UBE2R2: variants seen among roughly 807,000 people sequenced by gnomAD.
UBE2R2 encodes ubiquitin conjugating enzyme E2 R2.
Under a neutral mutation model 27.8 loss-of-function variants are expected in UBE2R2, and 1 was observed. The ratio of observed to expected loss-of-function variants is 0.04; its 90% confidence interval spans 0.01 to 0.17. The LOEUF (loss-of-function observed/expected upper bound fraction) is 0.17. Ranked by LOEUF, UBE2R2 falls within the 10% of genes least tolerant of loss-of-function variation. UBE2R2 has a pLI of 1.00. For missense variants in UBE2R2, 100 were observed against 291.0 expected, an observed-to-expected ratio of 0.34 and a Z score of 4.78; for synonymous variants, 106 against 113.3, an observed-to-expected ratio of 0.94 and a Z score of 0.41.
At chr9:33,836,528 C>T (rs554792288) in intron 1 of UBE2R2, among the ~76,000 whole-genome samples, 74 of 151,894 alleles carry the variant, frequency 4.9e-4, no homozygotes, top group African/African-American at 1.5e-3. Flanking sequence ...GGCAGAGGCA[C>T]GCAGATCATT....
intron 3 of UBE2R2, among the ~76,000 whole-genome samples, chr9:33,906,977 G>A (rs933927111): frequency 1.4e-4 from 21 of 152,210 alleles, no homozygotes; most frequent in African/African-American, 5.1e-4. Context: ...GCTTCAGTGA[G>A]CTGTAATTCT....
rs71506139 is a variant in UBE2R2 at position 33,843,042 on chromosome 9, C to CTTTTTT, written c.177+25126_177+25131dup. ...TTTACAAAAAAAAAAAAACAGACCACTTTTTTTTTTTTTTTTTTTTTTTAA... is the reference window on the plus strand; with the variant it reads ...TTTACAAAAAAAAAAAAACAGACCACTTTTTTTTTTTTTTTTTTTTTTTTTTTTTAA... On this transcript the variant is annotated intron_variant, in intron 1 of 4. Transcript: ENST00000263228. Among the ~76,000 whole-genome samples the CTTTTTT allele has an allele frequency of 6.4e-3, 670 of 105,286 alleles. 30 individuals are homozygous for CTTTTTT. Among genetic ancestry groups the CTTTTTT allele is most frequent in the African/African-American group, 0.024 (609 of 25,066 alleles). The allele number at this position is 105,286 out of a possible 152,430, so 69.1% of individuals were successfully genotyped here. A position where few individuals can be genotyped will look rare whatever the true frequency, so the allele number is the denominator to read the frequency against.
chr9:33,888,182 G>A (rs1326888709), intron 2 of UBE2R2, among the ~76,000 whole-genome samples: 2 of 152,142 alleles, frequency 1.3e-5, no homozygotes, highest in Non-Finnish European at 2.9e-5. Context: ...AGAACAATGT[G>A]TAATCTGCAG....
intron 4 of UBE2R2, among the ~76,000 whole-genome samples, chr9:33,916,808 C>T (rs1822656211): frequency 6.6e-6 from 1 of 152,042 alleles, no homozygotes; most frequent in Admixed American, 6.6e-5. Context: ...CAGTGTATTT[C>T]CCCTCCTAAA....
upstream of UBE2R2, among the ~76,000 whole-genome samples, chr9:33,816,046 C>T (rs1563976055): frequency 6.6e-6 from 1 of 152,026 alleles, no homozygotes; most frequent in Non-Finnish European, 1.5e-5. Flanking sequence ...TGTGCTACAG[C>T]CTGGGTGACA....
chr9:33,898,718 C>T (rs1338849306), intron 2 of UBE2R2, among the ~76,000 whole-genome samples: 1 of 152,154 alleles, frequency 6.6e-6, no homozygotes, highest in Admixed American at 6.5e-5. Flanking sequence ...TTGTCTTATG[C>T]ATAATCACTG....
rs970073480 is a variant in UBE2R2 at position 33,861,851 on chromosome 9, T to C, written c.178-25030T>C. On this transcript the variant is annotated intron_variant, in intron 1 of 4. Transcript: ENST00000263228. ...TACCATTTGTTGATCCACTTTCTTT[T>C]TTTTTTTTTTTTTTTTTTTTAAGAC... Among the ~76,000 whole-genome samples, 8 of 145,606 alleles carry C rather than the reference T, an allele frequency of 5.5e-5. No individual in the cohort carries two copies. The East Asian group carries it at 7.9e-4, about 14-fold the overall frequency.
chr9:33,836,618 A>G (rs1820619093), intron 1 of UBE2R2, among the ~76,000 whole-genome samples: 2 of 151,982 alleles, frequency 1.3e-5, no homozygotes, highest in South Asian at 2.1e-4. Context: ...TTAGCCAGAC[A>G]TGGTGGCACA....
intron 1 of UBE2R2, among the ~76,000 whole-genome samples, chr9:33,826,779 A>G (rs943100431): frequency 3.3e-5 from 5 of 152,064 alleles, no homozygotes; most frequent in Admixed American, 3.3e-4. Flanking sequence ...AATACATATA[A>G]AAATGTTTTG....
At chr9:33,836,983 T>C (rs1340112213) in intron 1 of UBE2R2, among the ~76,000 whole-genome samples, 1 of 152,148 alleles carries the variant, frequency 6.6e-6, no homozygotes, top group Non-Finnish European at 1.5e-5. Flanking sequence ...GCATGGTATG[T>C]GAAGAGTTTT....
In UBE2R2 at chr9:33,832,318, AAG is replaced by A. The variant is rs1281811035; in HGVS notation, c.177+14386_177+14387del. 6.3e-5 allele frequency among the ~76,000 whole-genome samples: 8 copies of A among 126,798 alleles called. No homozygotes were observed. The East Asian group carries it at 1.6e-3, about 26-fold the overall frequency. 83.2% of individuals were successfully genotyped at this position (126,798 alleles called of 152,430 possible). ...AGCGAAAATCTATCTCAAAAAAAAA[AAG>A]AAAAGAAAAGAAATTATTTAATACC... On this transcript the variant is annotated intron_variant, in intron 1 of 4. Transcript: ENST00000263228.
chr9:33,888,028 G>A (rs529674070), intron 2 of UBE2R2, among the ~76,000 whole-genome samples: 9 of 152,286 alleles, frequency 5.9e-5, no homozygotes, highest in Non-Finnish European at 8.8e-5. Flanking sequence ...GATTTTGCAG[G>A]TATCTTTCTG....
At chr9:33,815,989 G>A (rs1825745234), upstream of UBE2R2, among the ~76,000 whole-genome samples, 1 of 152,032 alleles carries the variant, frequency 6.6e-6, no homozygotes, top group Non-Finnish European at 1.5e-5. Flanking sequence ...TGGGAGAATC[G>A]CTTGAACCTG....
chr9:33,836,444 A>G (rs1350102427), intron 1 of UBE2R2, among the ~76,000 whole-genome samples: 1 of 152,068 alleles, frequency 6.6e-6, no homozygotes. Flanking sequence ...GAATTGTGCA[A>G]TCATCACCAC....
At chr9:33,871,637 C>T (rs536966045) in intron 1 of UBE2R2, among the ~76,000 whole-genome samples, 14 of 152,056 alleles carry the variant, frequency 9.2e-5, no homozygotes, top group Non-Finnish European at 1.5e-4. Context: ...AGGAGTTGCC[C>T]GAAAAAGAGC....
Position 33,817,594 on chromosome 9 carries a change from C to A in UBE2R2, c.-164C>A. The A allele has an allele frequency of 2.5e-6, 2 of 802,740 alleles. No homozygotes were observed. The highest frequency in any genetic ancestry group is 3.1e-6 in the Non-Finnish European group (2 of 641,430). The allele number at this position is 802,740 out of a possible 1,614,324, so 49.7% of individuals were successfully genotyped here. On this transcript the variant is annotated 5_prime_UTR_variant, in exon 1 of 5. Coordinates refer to ENST00000263228, the MANE Select transcript of UBE2R2 (RefSeq NM_017811.4). The stretch of plus-strand genomic sequence containing the variant: ...GTGTGTGAGGAGGACCCCGGGCGGG[C>A]CCACGGGCCGTGTGGGGCCTGGTCT...
rs1405054642 is a variant in UBE2R2, at chr9:33,845,322, C to T, written c.177+27388C>T. ...AGTTCAGTGGCACGATCTTGGCTCA[C>T]TGCAAGCTCCGCCTCCCGGGTTCAC... On this transcript the variant is annotated intron_variant, in intron 1 of 4. Coordinates refer to ENST00000263228, the MANE Select transcript of UBE2R2 (RefSeq NM_017811.4). 3.3e-5 allele frequency among the ~76,000 whole-genome samples: 5 copies of T among 151,530 alleles called. No individual in the cohort carries two copies. The East Asian group carries it at 9.8e-4, about 30-fold the overall frequency.
rs199597685 is a variant in UBE2R2 at position 33,917,180 on chromosome 9, G to A, written c.660G>A (p.Glu220=). The part of the protein sequence containing the change: ...LYDDDIDDED[E]EEEDADCYDD... ...ATGACGACATTGATGATGAAGATGA[G>A]GAGGAGGAAGATGCCGACTGTTATG... Residue 220 remains glutamate (E), a synonymous_variant, in exon 5 of 5, where the codon GAG becomes GAA. Transcript: ENST00000263228. 1.7e-5 allele frequency: 28 copies of A among 1,613,994 alleles called. No homozygotes were observed. In the East Asian group the frequency reaches 3.1e-4, roughly 18 times the overall value.
At chr9:33,818,553 G>C (rs78141346) in intron 1 of UBE2R2, 10 of 108,866 alleles carry the variant, frequency 9.2e-5, no homozygotes, top group Admixed American at 4.8e-4. Context: ...AAAAAAAAAA[G>C]GGTGCCCGCG....
Sources: allele counts gnomAD v4.1 joint callset (sites outside exome capture counted in the v4.1 genomes callset), GRCh38; gene constraint gnomAD v4.1.1; transcripts MANE v1.5; gene names NCBI Gene and HGNC (gene_info 2026-07-23, HGNC 2026-07-21).